The following DPP6 variants were observed in gnomAD, a reference collection of about 807,000 sequenced individuals.
DPP6 encodes the protein A-type potassium channel modulatory protein DPP6.
In DPP6, 69 loss-of-function variants were observed where a neutral mutation model predicts 122.6. That is an observed-to-expected ratio of 0.56 (90% CI 0.46 to 0.69). The LOEUF (loss-of-function observed/expected upper bound fraction) is 0.69. DPP6 is among the 30% of genes least tolerant of loss of function. The probability of loss-of-function intolerance (pLI) is 0.00; values close to 1 mark genes in which losing one functional copy is unlikely to be tolerated. For missense variants in DPP6, 928 were observed against 1,116.9 expected (o/e 0.83, Z 2.41); for synonymous variants, 418 against 433.1 (o/e 0.97, Z 0.43).
intron 1 of DPP6, among the ~76,000 whole-genome samples, chr7:154,019,435 T>A (rs932004140): frequency 6.6e-6 from 1 of 151,722 alleles, no homozygotes; most frequent in Non-Finnish European, 1.5e-5. Flanking sequence ...TATTTCTTCC[T>A]CTCTCTCTTC....
chr7:154,431,736 T>C (rs559045063), intron 1 of DPP6, among the ~76,000 whole-genome samples: 1 of 152,144 alleles, frequency 6.6e-6, no homozygotes, highest in East Asian at 1.9e-4. Context: ...GGTTTCTCCA[T>C]GTTGGTCAGG....
chr7:154,136,732 T>C (rs1303782563), intron 1 of DPP6, among the ~76,000 whole-genome samples: 1 of 152,234 alleles, frequency 6.6e-6, no homozygotes, highest in Non-Finnish European at 1.5e-5. Context: ...AAAATGTTAA[T>C]AATAGAACCT....
intron 1 of DPP6, among the ~76,000 whole-genome samples, chr7:154,223,640 A>G (rs1027770930): frequency 2.7e-5 from 4 of 149,150 alleles, no homozygotes; most frequent in Admixed American, 1.3e-4. Context: ...CTAGGCAGAA[A>G]CATGTGGCCA....
chr7:154,619,625 C>T (rs556798770), intron 5 of DPP6, among the ~76,000 whole-genome samples: 13 of 152,148 alleles, frequency 8.5e-5, no homozygotes, highest in Non-Finnish European at 1.8e-4. Flanking sequence ...GCCCTGGTCA[C>T]CTTCAGGGAT....
chr7:154,434,975 T>C (rs1027053307), intron 1 of DPP6, among the ~76,000 whole-genome samples: 1 of 152,148 alleles, frequency 6.6e-6, no homozygotes, highest in African/African-American at 2.4e-5. Context: ...TAGCTGGGAT[T>C]ACAGGCACAC....
At chr7:154,407,042 A>G (rs960136210) in intron 1 of DPP6, among the ~76,000 whole-genome samples, 5 of 152,192 alleles carry the variant, frequency 3.3e-5, no homozygotes, top group Non-Finnish European at 7.3e-5. Context: ...TCTTAGTGAC[A>G]GTACTTCATT....
At chr7:154,884,675 TCACA>T (rs918427687) in intron 21 of DPP6, 4 of 140,614 alleles carry the variant, frequency 2.8e-5, no homozygotes, top group African/African-American at 1.1e-4. Flanking sequence ...ACACACATGC[TCACA>T]CACAAGCACA....
At chr7:153,894,120 G>C (rs1322815607) in intron 1 of DPP6, among the ~76,000 whole-genome samples, 2 of 152,182 alleles carry the variant, frequency 1.3e-5, no homozygotes, top group East Asian at 3.9e-4. Context: ...AAAGACTACA[G>C]ACTAAACTTC....
intron 1 of DPP6, among the ~76,000 whole-genome samples, chr7:154,016,300 T>C (rs1024479961): frequency 1.3e-4 from 20 of 152,278 alleles, no homozygotes; most frequent in Non-Finnish European, 2.9e-4. Context: ...AGAAGGACAT[T>C]GTCTATTGTT....
chr7:154,472,531 C>T (rs1005447454), intron 2 of DPP6, among the ~76,000 whole-genome samples: 3 of 152,214 alleles, frequency 2.0e-5, no homozygotes, highest in Non-Finnish European at 2.9e-5. Flanking sequence ...CTCTCAGCCC[C>T]GTCCCTGCTA....
At chr7:154,173,951 C>T (rs1157213972) in intron 1 of DPP6, among the ~76,000 whole-genome samples, 3 of 152,216 alleles carry the variant, frequency 2.0e-5, no homozygotes, top group Non-Finnish European at 4.4e-5. Flanking sequence ...CTGTGCAGTT[C>T]CTTCCACAGG....
chr7:154,190,526 A>G (rs967858424), intron 1 of DPP6, among the ~76,000 whole-genome samples: 1 of 152,202 alleles, frequency 6.6e-6, no homozygotes, highest in African/African-American at 2.4e-5. Context: ...GTACTTAAGT[A>G]TATGATTTAA....
chr7:154,855,818 G>A (rs950732564), intron 17 of DPP6, among the ~76,000 whole-genome samples: 6 of 152,206 alleles, frequency 3.9e-5, no homozygotes, highest in Non-Finnish European at 7.3e-5. Context: ...CCTCAACTGT[G>A]ACATCTTTTT....
At chr7:154,405,360 T>C (rs981120068) in intron 1 of DPP6, among the ~76,000 whole-genome samples, 1 of 152,204 alleles carries the variant, frequency 6.6e-6, no homozygotes, top group Non-Finnish European at 1.5e-5. Flanking sequence ...AAATAATGTT[T>C]TGTGACGTGC....
intron 1 of DPP6, among the ~76,000 whole-genome samples, chr7:154,314,629 A>G (rs1807270526): frequency 6.6e-6 from 1 of 152,352 alleles, no homozygotes; most frequent in East Asian, 1.9e-4. Context: ...CCAGCTCACA[A>G]ACCACACATC....
intron 1 of DPP6, chr7:154,305,335 T>TTGGCCCCCCCC: frequency 9.8e-7 from 1 of 1,024,752 alleles, no homozygotes; most frequent in Non-Finnish European, 1.2e-6. Flanking sequence ...TCGTCTTGTC[T>TTGGCCCCCCCC]ACCCACCCTC....
intron 1 of DPP6, among the ~76,000 whole-genome samples, chr7:154,269,876 G>A (rs899993251): frequency 5.9e-5 from 9 of 152,104 alleles, no homozygotes; most frequent in Non-Finnish European, 1.2e-4. Context: ...GTAAAGTATA[G>A]CTGCCGTATA....
chr7:154,609,983 T>C (rs892345939), intron 5 of DPP6, among the ~76,000 whole-genome samples: 2 of 152,210 alleles, frequency 1.3e-5, no homozygotes, highest in Non-Finnish European at 2.9e-5. Flanking sequence ...CATATAACCA[T>C]ACAAAACTAA....
intron 15 of DPP6, among the ~76,000 whole-genome samples, chr7:154,805,379 C>A (rs542487207): frequency 6.6e-6 from 1 of 152,286 alleles, no homozygotes; most frequent in Non-Finnish European, 1.5e-5. Context: ...GCCCTGCTGT[C>A]CGGCATTGTA....
Sources: gnomAD v4.1 joint callset for allele counts (sites outside exome capture counted in the v4.1 genomes callset) on GRCh38, gnomAD v4.1.1 for gene constraint, MANE v1.5 for transcripts, NCBI Gene and HGNC (gene_info 2026-07-23, HGNC 2026-07-21) for gene names.